The following NDC1 variants were observed in gnomAD, a reference collection of about 807,000 sequenced individuals.
NDC1 encodes the protein NDC1 transmembrane nucleoporin, also known as nucleoporin NDC1.
Under a neutral mutation model 89.8 loss-of-function variants are expected in NDC1, and 24 were observed. The observed-to-expected ratio is 0.27, with a 90% CI of 0.19 to 0.38. The LOEUF (loss-of-function observed/expected upper bound fraction) is 0.38, where lower values mean the gene tolerates loss of function less well. Ranked by LOEUF, NDC1 falls within the 10% of genes least tolerant of loss-of-function variation. The pLI, the probability that NDC1 is intolerant of heterozygous loss-of-function variation, is 1.00. For missense variants in NDC1, 728 were observed against 797.6 expected, an observed-to-expected ratio of 0.91 and a Z score of 1.05; for synonymous variants, 296 against 284.8, an observed-to-expected ratio of 1.04 and a Z score of -0.39.
intron 5 of NDC1, among the ~76,000 whole-genome samples, chr1:53,824,082 A>G (rs980775598): frequency 1.3e-5 from 2 of 151,878 alleles, no homozygotes; most frequent in Non-Finnish European, 2.9e-5. Context: ...AAAAAATACA[A>G]AAGTAGCCAG....
Position 53,803,721 on chromosome 1 carries a change from G to A in NDC1, c.1066+207C>T, listed in dbSNP as rs999221332. Among the ~76,000 whole-genome samples, 5 of 152,094 alleles carry A rather than the reference G, an allele frequency of 3.3e-5. No homozygotes were observed. The East Asian group carries it at 5.8e-4, about 18-fold the overall frequency. ...CCAGCAGCTGGGACTACAGGCGCCCGCCACCACGCCCGGCTAATTTTTTGT... is the reference window on the plus strand; with the variant it reads ...CCAGCAGCTGGGACTACAGGCGCCCACCACCACGCCCGGCTAATTTTTTGT... On this transcript the variant is annotated intron_variant, in intron 10 of 17. Coordinates refer to ENST00000371429, the MANE Select transcript of NDC1 (RefSeq NM_018087.5).
intron 10 of NDC1, among the ~76,000 whole-genome samples, 193 bp from the exon 11 acceptor site, chr1:53,801,041 T>A (rs1245653733): frequency 6.6e-6 from 1 of 151,486 alleles, no homozygotes; most frequent in Non-Finnish European, 1.5e-5. Flanking sequence ...TGAATTAAGT[T>A]TCCCAAAAGT....
rs948895532 is a variant in NDC1, at chr1:53,797,880, G to A, written c.1223-736C>T. ...GGGCTCAAGTAATCCTCCTGCACTG[G>A]CCTCCCAAAGTGCTAGAATTATAGG... On this transcript the variant is annotated intron_variant, in intron 11 of 17. Transcript: ENST00000371429. 9.9e-5 allele frequency among the ~76,000 whole-genome samples: 15 copies of A among 151,334 alleles called. 1 individual carries two copies. The highest frequency in any genetic ancestry group is 4.1e-4 in the South Asian group (2 of 4,826).
Position 53,800,835 on chromosome 1 carries a change from G to A in NDC1, c.1080C>T (p.His360=), listed in dbSNP as rs1167195782. The A allele has an allele frequency of 2.5e-6, 4 of 1,598,736 alleles. No homozygotes were observed. The South Asian group carries it at 4.5e-5, about 18-fold the overall frequency. Residue 360 remains histidine, a synonymous_variant, in exon 11 of 18, where the codon CAC becomes CAT. Coordinates refer to ENST00000371429, the MANE Select transcript of NDC1 (RefSeq NM_018087.5). ...FSLSQPGGHP[H]NWTAISRECL... ...ACTCCCTTGAAATGGCTGTCCAATT[G>A]TGGGGATGTCCACCTAGGAGGTCCA...
chr1:53,805,123 T>G (rs554689855), intron 9 of NDC1, among the ~76,000 whole-genome samples: 1 of 152,326 alleles, frequency 6.6e-6, no homozygotes, highest in African/African-American at 2.4e-5. Flanking sequence ...ATTTATTTTC[T>G]TATTTGTTTA....
chr1:53,769,009 C>G (rs1481472595), intron 17 of NDC1, among the ~76,000 whole-genome samples: 1 of 152,126 alleles, frequency 6.6e-6, no homozygotes, highest in Non-Finnish European at 1.5e-5. Flanking sequence ...CAATCTCTGC[C>G]CCTCAAATAA....
At chr1:53,785,495 C>G (rs909240718) in intron 16 of NDC1, among the ~76,000 whole-genome samples, 1 of 152,134 alleles carries the variant, frequency 6.6e-6, no homozygotes, top group Non-Finnish European at 1.5e-5. Context: ...GAATCACTGG[C>G]TTTGATGGGT....
chr1:53,789,250 T>TATG, intron 14 of NDC1, 54 bp from the exon 15 acceptor site: 1 of 1,129,462 alleles, frequency 8.9e-7, no homozygotes, highest in East Asian at 2.4e-5. Flanking sequence ...AAAACTCCAT[T>TATG]ATTTCCTTTA....
chr1:53,800,899 C>T, intron 10 of NDC1, 51 bp from the exon 11 acceptor site: 1 of 1,496,322 alleles, frequency 6.7e-7, no homozygotes, highest in Non-Finnish European at 9.0e-7. Context: ...TTACATTCCC[C>T]TCTTGAAGTG....
At chr1:53,833,989 C>T (rs1649151149) in intron 2 of NDC1, among the ~76,000 whole-genome samples, 1 of 152,060 alleles carries the variant, frequency 6.6e-6, no homozygotes, top group Non-Finnish European at 1.5e-5. Flanking sequence ...TGCCACCACA[C>T]CCAGGCTGGT....
rs1425935540 is a variant in NDC1, at chr1:53,838,256, G to C, written c.6C>G (p.Ala2=). 1.2e-5 allele frequency: 19 copies of C among 1,537,068 alleles called. No individual in the cohort carries two copies. The Admixed American group carries it at 3.3e-4, about 27-fold the overall frequency. Residue 2 remains alanine, a synonymous_variant, in exon 1 of 18, where the codon GCC becomes GCG. Transcript: ENST00000371429. M[A]TAVSRPCAGR... Reference sequence around the variant, plus strand: ...CGGCGCAGGGCCGGCTCACGGCCGTGGCCATGGAGATGGCGGCCCCTAGTC... The same window carrying C: ...CGGCGCAGGGCCGGCTCACGGCCGTCGCCATGGAGATGGCGGCCCCTAGTC...
At chr1:53,823,291 T>A (rs1202562765) in intron 5 of NDC1, among the ~76,000 whole-genome samples, 2 of 152,204 alleles carry the variant, frequency 1.3e-5, no homozygotes, top group Non-Finnish European at 2.9e-5. Context: ...CTACAAGACA[T>A]GCCCCATATA....
In NDC1 at chr1:53,838,286, G is replaced by A. The variant is rs772407348; in HGVS notation, c.-25C>T. 3 of 1,521,696 alleles carry A rather than the reference G, an allele frequency of 2.0e-6. No individual in the cohort carries two copies. The South Asian group carries it at 3.6e-5, about 18-fold the overall frequency. 94.3% of individuals were successfully genotyped at this position (1,521,696 alleles called of 1,614,324 possible). ...TGGAGATGGCGGCCCCTAGTCTAGGGCGTACAGGAGACCGTGCGCCCGCCC... is the reference window on the plus strand; with the variant it reads ...TGGAGATGGCGGCCCCTAGTCTAGGACGTACAGGAGACCGTGCGCCCGCCC... On this transcript the variant is annotated 5_prime_UTR_variant, in exon 1 of 18. Coordinates refer to ENST00000371429, the MANE Select transcript of NDC1 (RefSeq NM_018087.5).
At chr1:53,827,816 A>T (rs745935794) in intron 4 of NDC1, among the ~76,000 whole-genome samples, 183 bp downstream of exon 4, 1 of 152,210 alleles carries the variant, frequency 6.6e-6, no homozygotes, top group Non-Finnish European at 1.5e-5. Context: ...CACCTTGCAC[A>T]TAATAAATTT....
At chr1:53,800,946 G>T in intron 10 of NDC1, 98 bp from the exon 11 acceptor site, 1 of 1,179,582 alleles carries the variant, frequency 8.5e-7, no homozygotes, top group Non-Finnish European at 1.2e-6. Flanking sequence ...CATTATGCTT[G>T]GCATCAGGAC....
intron 15 of NDC1, 146 bp from the exon 16 acceptor site, chr1:53,787,404 T>C (rs1647340027): frequency 3.7e-6 from 2 of 535,652 alleles, no homozygotes; most frequent in Non-Finnish European, 6.6e-6. Context: ...ATCCTAGCAC[T>C]CTGGGAGGCT....
At chr1:53,784,245 ACACACG>A (rs1243296303) in intron 16 of NDC1, among the ~76,000 whole-genome samples, 3 of 151,712 alleles carry the variant, frequency 2.0e-5, no homozygotes, top group African/African-American at 7.3e-5. Flanking sequence ...ACACACACAC[ACACACG>A]CACACACTAT....
chr1:53,815,542 C>G (rs964783172), intron 6 of NDC1, among the ~76,000 whole-genome samples: 1 of 152,204 alleles, frequency 6.6e-6, no homozygotes, highest in African/African-American at 2.4e-5. Flanking sequence ...AGAACTGGAA[C>G]AGACAAGAAT....
intron 16 of NDC1, among the ~76,000 whole-genome samples, chr1:53,785,707 G>C (rs1238070725): frequency 6.6e-6 from 1 of 151,830 alleles, no homozygotes; most frequent in Non-Finnish European, 1.5e-5. Flanking sequence ...TAAGTAGCTG[G>C]GACTATAGGT....
Sources: allele counts gnomAD v4.1 joint callset (sites outside exome capture counted in the v4.1 genomes callset), GRCh38; gene constraint gnomAD v4.1.1; transcripts MANE v1.5; gene names NCBI Gene and HGNC (gene_info 2026-07-23, HGNC 2026-07-21).